INPP5A: variants seen among roughly 807,000 people sequenced by gnomAD.
INPP5A encodes the protein 43 kDa inositol polyphosphate 5-phophatase.
In INPP5A, 14 loss-of-function variants were observed where a neutral mutation model predicts 65.2. That is an observed-to-expected ratio of 0.21 (90% CI 0.14 to 0.34). The LOEUF is 0.34. Ranked by LOEUF, INPP5A falls within the 10% of genes least tolerant of loss-of-function variation. The pLI is 1.00. For synonymous variants in INPP5A, 207 were observed against 208.3 expected, an observed-to-expected ratio of 0.99 and a Z score of 0.05; for missense variants, 431 against 545.6, an observed-to-expected ratio of 0.79 and a Z score of 2.09.
chr10:132,720,401 C>A (rs577727282), intron 8 of INPP5A, among the ~76,000 whole-genome samples: 1 of 139,014 alleles, frequency 7.2e-6, no homozygotes, highest in Non-Finnish European at 1.5e-5. Context: ...AGACGGCTGT[C>A]TTGCGGGTTC....
chr10:132,748,130 C>G (rs976559100), intron 9 of INPP5A, among the ~76,000 whole-genome samples: 1 of 152,196 alleles, frequency 6.6e-6, no homozygotes, highest in Non-Finnish European at 1.5e-5. Context: ...TAGACTCTCT[C>G]TCCATATAAT....
At position 132,537,987 on chromosome 10, in the gene INPP5A, C is replaced by G. The variant is rs1457764823; in HGVS notation, c.-110C>G. ...CCCGCGATGCGCCCCGGGGCCGCCC[C>G]CCGGCGCAGCTGACGCCCCGCGGCC... On this transcript the variant is annotated 5_prime_UTR_variant, in exon 1 of 16. Coordinates refer to ENST00000368594, the MANE Select transcript of INPP5A (RefSeq NM_005539.5). 1 of 334,304 alleles carries G rather than the reference C, an allele frequency of 3.0e-6. No individual in the cohort carries two copies. Among genetic ancestry groups the G allele is most frequent in the African/African-American group, 2.3e-5 (1 of 44,306 alleles). The allele number at this position is 334,304 out of a possible 1,614,324, so 20.7% of individuals were successfully genotyped here.
chr10:132,695,944 C>A (rs905730718), intron 5 of INPP5A, among the ~76,000 whole-genome samples: 1 of 152,128 alleles, frequency 6.6e-6, no homozygotes, highest in African/African-American at 2.4e-5. Context: ...CCTCCTAACC[C>A]CTAAGGTGAT....
At chr10:132,769,607 C>T (rs1846913795) in intron 12 of INPP5A, among the ~76,000 whole-genome samples, 2 of 152,230 alleles carry the variant, frequency 1.3e-5, no homozygotes. Flanking sequence ...GTCTTGCCCA[C>T]TCTGGTCTCT....
At position 132,637,209 on chromosome 10, in the gene INPP5A, C is replaced by T. The variant is rs1280021604; in HGVS notation, c.118-8659C>T. 1.3e-5 allele frequency among the ~76,000 whole-genome samples: 2 copies of T among 152,224 alleles called. No homozygotes were observed. The highest frequency in any genetic ancestry group is 4.8e-5 in the African/African-American group (2 of 41,442). On this transcript the variant is annotated intron_variant, in intron 2 of 15. Coordinates refer to ENST00000368594, the MANE Select transcript of INPP5A (RefSeq NM_005539.5). This position sits in a 1 kb window ranked among gnomAD's most constrained non-coding sequence, Gnocchi z 4.1. ...AAGTGGTGGGATTACAGGCGTGAGC[C>T]ACCTGTTGTTTAATTGATCTTTTTT...
At chr10:132,664,403 GC>G (rs2072776242) in intron 4 of INPP5A, among the ~76,000 whole-genome samples, 3 of 152,256 alleles carry the variant, frequency 2.0e-5, no homozygotes, top group Non-Finnish European at 4.4e-5. Context: ...ATGAATGTGA[GC>G]TTTTATGTCA....
chr10:132,619,173 A>C (rs2072080750), intron 2 of INPP5A, among the ~76,000 whole-genome samples: 1 of 152,172 alleles, frequency 6.6e-6, no homozygotes, highest in African/African-American at 2.4e-5. Context: ...AAAATCAAAA[A>C]CAAGTTATTT....
chr10:132,695,022 C>T (rs1343404574), intron 5 of INPP5A, among the ~76,000 whole-genome samples: 1 of 152,048 alleles, frequency 6.6e-6, no homozygotes, highest in Non-Finnish European at 1.5e-5. Flanking sequence ...GGACAAACGT[C>T]CTAAATCATT....
intron 4 of INPP5A, 93 bp from the exon 5 acceptor site, chr10:132,690,299 C>A (rs1845236764): frequency 2.4e-6 from 2 of 834,936 alleles, no homozygotes; most frequent in Admixed American, 4.0e-5. Flanking sequence ...CTTGCTCTAG[C>A]TAGTTTAAAA....
intron 9 of INPP5A, among the ~76,000 whole-genome samples, chr10:132,731,119 G>A (rs1005875176): frequency 3.3e-5 from 5 of 152,182 alleles, no homozygotes; most frequent in Non-Finnish European, 7.4e-5. Flanking sequence ...CAGACGTGGC[G>A]GTCATTCACA....
intron 8 of INPP5A, among the ~76,000 whole-genome samples, chr10:132,715,398 C>T (rs945440565): frequency 2.6e-5 from 4 of 152,208 alleles, no homozygotes; most frequent in African/African-American, 4.8e-5. Context: ...AACATTGGGA[C>T]ATTTAACTTT....
chr10:132,759,725 G>T (rs1219977746), intron 11 of INPP5A, among the ~76,000 whole-genome samples: 2 of 151,976 alleles, frequency 1.3e-5, no homozygotes, highest in African/African-American at 2.4e-5. Context: ...CCCTGCAGGA[G>T]CCCCGGCCGT....
intron 4 of INPP5A, among the ~76,000 whole-genome samples, chr10:132,672,187 C>T (rs1243373581): frequency 6.6e-6 from 1 of 152,210 alleles, no homozygotes; most frequent in Admixed American, 6.5e-5. Flanking sequence ...AAAATATCTT[C>T]ATTTTATTTC....
intron 2 of INPP5A, among the ~76,000 whole-genome samples, chr10:132,636,250 C>G (rs1393402577): frequency 6.6e-6 from 1 of 151,868 alleles, no homozygotes; most frequent in Non-Finnish European, 1.5e-5. Context: ...ATGAAATCGT[C>G]TTTTGCAGCA....
chr10:132,626,383 G>A (rs2072184358), intron 2 of INPP5A, among the ~76,000 whole-genome samples: 1 of 152,224 alleles, frequency 6.6e-6, no homozygotes, highest in African/African-American at 2.4e-5. Flanking sequence ...TGGCTGTAGG[G>A]TGGGTGTGTG....
chr10:132,693,490 A>G (rs947396931), intron 5 of INPP5A, among the ~76,000 whole-genome samples: 3 of 152,228 alleles, frequency 2.0e-5, no homozygotes, highest in Non-Finnish European at 4.4e-5. Context: ...GTGTTCTAAC[A>G]TGAATCAAAG....
rs562960171 is a variant in INPP5A at position 132,707,082 on chromosome 10, C to T, written c.475-1231C>T. On this transcript the variant is annotated intron_variant, in intron 6 of 15. Transcript: ENST00000368594. The surrounding 1 kb of genome is among the most constrained non-coding windows in gnomAD (Gnocchi z 5.5). ...CTCTCCGTGTTAGATAGAGGGAGCACGCCACGCTGGACCCTTTCTTCACGG... is the reference window on the plus strand; with the variant it reads ...CTCTCCGTGTTAGATAGAGGGAGCATGCCACGCTGGACCCTTTCTTCACGG... 1.2e-3 allele frequency among the ~76,000 whole-genome samples: 181 copies of T among 152,332 alleles called. 2 individuals carry two copies. The highest frequency in any genetic ancestry group is 4.2e-3 in the African/African-American group (176 of 41,574).
intron 6 of INPP5A, among the ~76,000 whole-genome samples, chr10:132,708,016 G>C (rs12766156): frequency 0.028 from 4,281 of 152,318 alleles, 99 homozygotes; most frequent in Non-Finnish European, 0.048. Flanking sequence ...TTTCCCTGCA[G>C]CTGCTCTCAC....
Position 132,545,641 on chromosome 10 carries a change from C to A in INPP5A, c.75+7470C>A, listed in dbSNP as rs1458292960. On this transcript the variant is annotated intron_variant, in intron 1 of 15. Transcript: ENST00000368594. This position sits in a 1 kb window ranked among gnomAD's most constrained non-coding sequence, Gnocchi z 4.6. ...ACAGGCAGGCTGTTCCCATGCGGAC[C>A]TGAAAGTGCTGTCAAGTTCCCCCTT... Among the ~76,000 whole-genome samples, 2 of 152,238 alleles carry A rather than the reference C, an allele frequency of 1.3e-5. No individual in the cohort carries two copies. Among genetic ancestry groups the A allele is most frequent in the East Asian group, 1.9e-4 (1 of 5,192 alleles).
Sources: allele counts gnomAD v4.1 joint callset (sites outside exome capture counted in the v4.1 genomes callset), GRCh38; gene constraint gnomAD v4.1.1; non-coding constraint Gnocchi (gnomAD v3.1); transcripts MANE v1.5; gene names NCBI Gene and HGNC (gene_info 2026-07-23, HGNC 2026-07-21).